Variants in WFDC1 observed in about 807,000 individuals in gnomAD.
WFDC1 encodes the protein WAP four-disulfide core domain 1.
WFDC1 carries 39 observed loss-of-function variants against 32.9 expected under a neutral mutation model. The ratio of observed to expected loss-of-function variants is 1.19; its 90% CI spans 0.92 to 1.55. The LOEUF (loss-of-function observed/expected upper bound fraction) is 1.55, where lower values mean the gene tolerates loss of function less well. WFDC1 is among the 40% of genes most tolerant of loss of function. The pLI is 0.00. For synonymous variants in WFDC1, 184 were observed against 137.4 expected, an observed-to-expected ratio of 1.34 and a Z score of -2.37; for missense variants, 386 against 309.5, an observed-to-expected ratio of 1.25 and a Z score of -1.85.
chr16:84,305,465 C>A (rs921134041), intron 1 of WFDC1, among the ~76,000 whole-genome samples: 1 of 152,188 alleles, frequency 6.6e-6, no homozygotes, highest in African/African-American at 2.4e-5. Context: ...AGGTTATATC[C>A]AATCCCACTT....
At chr16:84,308,534 A>G (rs1401440890) in intron 1 of WFDC1, among the ~76,000 whole-genome samples, 2 of 152,224 alleles carry the variant, frequency 1.3e-5, no homozygotes, top group Non-Finnish European at 2.9e-5. Flanking sequence ...CTAAAGGGTG[A>G]TTTGGCCAAT....
intron 1 of WFDC1, among the ~76,000 whole-genome samples, chr16:84,304,310 C>G (rs1313920909): frequency 3.3e-5 from 5 of 150,922 alleles, no homozygotes; most frequent in Non-Finnish European, 7.4e-5. Flanking sequence ...CTCACTGCAA[C>G]TTCTGCCTGC....
chr16:84,309,284 G>A (rs982965538), intron 1 of WFDC1, among the ~76,000 whole-genome samples: 1 of 152,128 alleles, frequency 6.6e-6, no homozygotes, highest in Non-Finnish European at 1.5e-5. Context: ...AAAGTAACAT[G>A]TACCTGGTTG....
At chr16:84,311,832 A>G (rs1907646677) in intron 1 of WFDC1, among the ~76,000 whole-genome samples, 2 of 150,952 alleles carry the variant, frequency 1.3e-5, no homozygotes, top group Admixed American at 1.3e-4. Flanking sequence ...GTGCCACAGC[A>G]CCTGGCCCCT....
chr16:84,323,168 T>C lies in WFDC1; in HGVS notation c.563-1251T>C, dbSNP rs576574256. 2.0e-5 allele frequency among the ~76,000 whole-genome samples: 3 copies of C among 152,340 alleles called. No homozygotes were observed. The East Asian group carries it at 5.8e-4, about 29-fold the overall frequency. ...GCTGCAGTTGCTGATCAGCAGGCGC[T>C]GACCCACCGGAGGGCCTGGAGCGGT... On this transcript the variant is annotated intron_variant, in intron 4 of 6. Transcript: ENST00000219454.
intron 2 of WFDC1, chr16:84,316,088 C>T (rs963426326): frequency 2.6e-4 from 40 of 152,244 alleles, no homozygotes; most frequent in Non-Finnish European, 2.9e-5. Context: ...TACTACGTTT[C>T]CCACCTGAAA....
At chr16:84,323,447 A>G (rs1908419169) in intron 4 of WFDC1, among the ~76,000 whole-genome samples, 1 of 152,242 alleles carries the variant, frequency 6.6e-6, no homozygotes, top group Non-Finnish European at 1.5e-5. Flanking sequence ...CTTTCCTGCT[A>G]CCATGGGGTG....
At chr16:84,313,198 T>A in intron 2 of WFDC1, 45 bp downstream of exon 2, 1 of 1,375,404 alleles carries the variant, frequency 7.3e-7, no homozygotes, top group Non-Finnish European at 9.3e-7. Flanking sequence ...GGAGGACAGG[T>A]GAACAGAGCT....
chr16:84,318,781 G>A (rs980566927), intron 3 of WFDC1: 5 of 222,338 alleles, frequency 2.2e-5, no homozygotes, highest in Admixed American at 9.9e-5. Context: ...AGGTGCGAGC[G>A]GGCACCCTTG....
intron 1 of WFDC1, among the ~76,000 whole-genome samples, chr16:84,306,461 A>G (rs1448694016): frequency 3.9e-5 from 6 of 152,236 alleles, no homozygotes; most frequent in African/African-American, 1.4e-4. Flanking sequence ...GCGAATCCTC[A>G]GAAACTGAGG....
At chr16:84,296,695 T>C (rs560787154) in intron 1 of WFDC1, among the ~76,000 whole-genome samples, 2 of 152,172 alleles carry the variant, frequency 1.3e-5, no homozygotes, top group Admixed American at 6.5e-5. Context: ...TAGAGTGACA[T>C]GATGAGGCGC....
At chr16:84,321,553 T>G (rs1319663302) in intron 4 of WFDC1, among the ~76,000 whole-genome samples, 3 of 152,186 alleles carry the variant, frequency 2.0e-5, no homozygotes, top group Non-Finnish European at 2.9e-5. Flanking sequence ...CCTGATCTTT[T>G]CATTCAGCCC....
chr16:84,325,247 G>C (rs1485292033), intron 5 of WFDC1, among the ~76,000 whole-genome samples: 1 of 149,644 alleles, frequency 6.7e-6, no homozygotes, highest in Non-Finnish European at 1.5e-5. Flanking sequence ...CTGTTGCCTA[G>C]GCTGGGGTGC....
At chr16:84,310,755 C>A (rs543670738) in intron 1 of WFDC1, among the ~76,000 whole-genome samples, 123 of 152,330 alleles carry the variant, frequency 8.1e-4, no homozygotes, top group Non-Finnish European at 1.3e-3. Context: ...TCTTCATGAG[C>A]CGCCATATCC....
rs773427250 is a variant in WFDC1 at position 84,318,293 on chromosome 16, C to T, written c.359C>T (p.Pro120Leu). 23 of 1,613,984 alleles carry T rather than the reference C, an allele frequency of 1.4e-5. No individual in the cohort carries two copies. Among genetic ancestry groups the T allele is most frequent in the Admixed American group, 3.3e-5 (2 of 60,000 alleles). Residue 120 changes from proline (P) to leucine (L), a missense_variant, in exon 3 of 7, where the codon CCG becomes CTG. Transcript: ENST00000219454. ...PPPVLDWLVQ[P>L]KPRWLGGNGW... ...TTAGTCTTAGACTGGCTGGTGCAGCCGAAACCTCGATGGCTTGGTGGCAAT... is the reference window on the plus strand; with the variant it reads ...TTAGTCTTAGACTGGCTGGTGCAGCTGAAACCTCGATGGCTTGGTGGCAAT...
chr16:84,297,642 A>ATAG (rs1567648448), intron 1 of WFDC1, among the ~76,000 whole-genome samples: 4 of 119,868 alleles, frequency 3.3e-5, no homozygotes, highest in Non-Finnish European at 5.7e-5. Context: ...AAAAAAAAAA[A>ATAG]AAAAACTGTG....
chr16:84,302,245 G>A (rs1034554043), intron 1 of WFDC1, among the ~76,000 whole-genome samples: 2 of 152,124 alleles, frequency 1.3e-5, no homozygotes, highest in Non-Finnish European at 2.9e-5. Context: ...GAGAACAGAG[G>A]TTCTGCCTGG....
At chr16:84,311,687 C>G (rs553890275) in intron 1 of WFDC1, among the ~76,000 whole-genome samples, 1 of 133,840 alleles carries the variant, frequency 7.5e-6, no homozygotes, top group Non-Finnish European at 1.5e-5. Flanking sequence ...AATGAGCATG[C>G]CTGACTGCTT....
chr16:84,308,118 G>C (rs1907374694), intron 1 of WFDC1, among the ~76,000 whole-genome samples: 1 of 152,200 alleles, frequency 6.6e-6, no homozygotes, highest in East Asian at 1.9e-4. Flanking sequence ...AGCAGGGATG[G>C]GGGCCAGGGG....
Sources: allele counts gnomAD v4.1 joint callset (sites outside exome capture counted in the v4.1 genomes callset), GRCh38; gene constraint gnomAD v4.1.1; transcripts MANE v1.5; gene names NCBI Gene and HGNC (gene_info 2026-07-23, HGNC 2026-07-21).